The following UROC1 variants were observed in gnomAD, a reference collection of about 807,000 sequenced individuals.
UROC1 encodes urocanate hydratase.
UROC1 carries 79 observed loss-of-function variants against 89.5 expected under a neutral mutation model. The observed-to-expected ratio is 0.88, with a 90% CI of 0.74 to 1.06. The LOEUF (loss-of-function observed/expected upper bound fraction) is 1.06. Among genes scored for constraint, UROC1 ranks in the 50% least tolerant of loss-of-function variants. UROC1 has a pLI of 0.00. For synonymous variants in UROC1, 361 were observed against 354.8 expected, an observed-to-expected ratio of 1.02 and a Z score of -0.20; for missense variants, 885 against 907.8, an observed-to-expected ratio of 0.97 and a Z score of 0.32.
chr3:126,483,579 C>T (rs1935444524), intron 18 of UROC1, 111 bp from the exon 19 acceptor site: 1 of 961,030 alleles, frequency 1.0e-6, no homozygotes. Flanking sequence ...AGGGTTGGGG[C>T]CGCCACACCG....
At chr3:126,511,019 A>C (rs948210026) in intron 1 of UROC1, among the ~76,000 whole-genome samples, 1 of 151,858 alleles carries the variant, frequency 6.6e-6, no homozygotes, top group African/African-American at 2.4e-5. Flanking sequence ...AGGCAGACTG[A>C]TCCCTCTCTC....
At chr3:126,504,971 C>T (rs1351556883) in intron 8 of UROC1, among the ~76,000 whole-genome samples, 2 of 152,118 alleles carry the variant, frequency 1.3e-5, no homozygotes, top group East Asian at 1.9e-4. Flanking sequence ...TTGATGCAGT[C>T]CTTGCAGTAA....
At chr3:126,486,909 T>C (rs1935531869) in intron 18 of UROC1, among the ~76,000 whole-genome samples, 1 of 152,228 alleles carries the variant, frequency 6.6e-6, no homozygotes, top group Admixed American at 6.5e-5. Flanking sequence ...GTAAGTGTGA[T>C]GGGTCCCAGG....
intron 7 of UROC1, 43 bp downstream of exon 7, chr3:126,505,902 C>G (rs750167941): frequency 6.2e-7 from 1 of 1,612,234 alleles, no homozygotes; most frequent in East Asian, 2.2e-5. Flanking sequence ...CCTCCACCCC[C>G]CATGCTGGGA....
At chr3:126,496,861 G>A (rs115301460) in intron 14 of UROC1, among the ~76,000 whole-genome samples, 68 of 152,314 alleles carry the variant, frequency 4.5e-4, no homozygotes, top group Non-Finnish European at 7.2e-4. Context: ...TGGAGATGCC[G>A]CAGGGCATGT....
rs1935405659 is a variant in UROC1 at position 126,482,280 on chromosome 3, C to A, written c.*65G>T. On this transcript the variant is annotated 3_prime_UTR_variant, in exon 20 of 20. Coordinates refer to ENST00000290868, the MANE Select transcript of UROC1 (RefSeq NM_144639.3). ...TGCGGGTGTGCAGGAAGGGTGTGTG[C>A]CATGGCTGGGCAGGTGAGGATCGCC... The A allele has an allele frequency of 6.2e-7, 1 of 1,602,326 alleles. No individual in the cohort carries two copies. The highest frequency in any genetic ancestry group is 8.5e-7 in the Non-Finnish European group (1 of 1,173,442).
chr3:126,494,735 C>T (rs182107905), intron 15 of UROC1, among the ~76,000 whole-genome samples: 36 of 152,288 alleles, frequency 2.4e-4, no homozygotes, highest in Admixed American at 1.7e-3. Context: ...CCCTCTGCCT[C>T]GATTGTCACA....
At chr3:126,508,882 C>G (rs1048795198) in intron 3 of UROC1, among the ~76,000 whole-genome samples, 1 of 152,158 alleles carries the variant, frequency 6.6e-6, no homozygotes, top group Non-Finnish European at 1.5e-5. Context: ...GGCAGCTGCT[C>G]TATAGACTGG....
In UROC1 at chr3:126,482,387, C is replaced by T; in HGVS notation, c.1989G>A (p.Lys663=). Reference sequence around the variant, plus strand: ...GCTGGAGCACCCGCTCGTCCTCCACCTTGTGAGGCAGTGTCACCACCAAGG... The same window carrying T: ...GCTGGAGCACCCGCTCGTCCTCCACTTTGTGAGGCAGTGTCACCACCAAGG... The part of the protein sequence containing the change: ...NSTLVVTLPH[K]VEDERVLQQA... The change falls in exon 20 of 20, where the codon AAG becomes AAA. Residue 663 remains lysine (K), a synonymous_variant. Transcript: ENST00000290868. 6.2e-7 allele frequency: 1 copy of T among 1,613,886 alleles called. No individual in the cohort carries two copies. The highest frequency in any genetic ancestry group is 2.2e-5 in the East Asian group (1 of 44,874).
rs775579924 is a variant in UROC1 at position 126,489,353 on chromosome 3, T to C, written c.1631A>G (p.Asp544Gly). 1.9e-5 allele frequency: 31 copies of C among 1,612,790 alleles called. No individual in the cohort carries two copies. In the South Asian group the frequency reaches 3.3e-4, roughly 17 times the overall value. ...RIKAPVVLSRDHHDVSGTDSP... is the reference protein window; with the variant it reads ...RIKAPVVLSRGHHDVSGTDSP... ...GTCGGTGCCGCTCACGTCATGGTGA[T>C]CTCGGCTCAGGACCACCGGCGCCTG... Residue 544 changes from aspartate (D) to glycine (G), a missense_variant, in exon 17 of 20, where the codon GAT becomes GGT. Physicochemically the swap from Asp to Gly is moderately conservative, Grantham distance 94. Transcript: ENST00000290868.
chr3:126,496,096 A>T lies in UROC1; in HGVS notation c.1451T>A (p.Val484Glu). 1 of 1,613,206 alleles carries T rather than the reference A, an allele frequency of 6.2e-7. No homozygotes were observed. Among genetic ancestry groups the T allele is most frequent in the African/African-American group, 1.3e-5 (1 of 75,052 alleles). Residue 484 changes from valine to glutamate, a missense_variant, in exon 15 of 20, where the codon GTG becomes GAG. Transcript: ENST00000290868. ...GATGTTGTCCATGTACTGCAGCTTC[A>T]CAGACACCTTCACTGCAGGAGAGAG... ...EAIADGVKVS[V>E]KLQYMDNIRW...
In UROC1 at chr3:126,482,084, G is replaced by C; in HGVS notation, c.*261C>G. ...GGCCCCCGGGCAGGCTTGGGACTTG[G>C]CCCTAAATGGACTTTGACAGCCTTC... is the stretch of plus-strand genomic sequence containing the variant. On this transcript the variant is annotated 3_prime_UTR_variant, in exon 20 of 20. Transcript: ENST00000290868. 1 of 551,272 alleles carries C rather than the reference G, an allele frequency of 1.8e-6. No individual in the cohort carries two copies. The highest frequency in any genetic ancestry group is 3.2e-6 in the Non-Finnish European group (1 of 308,790). 34.1% of individuals were successfully genotyped at this position (551,272 alleles called of 1,614,324 possible).
chr3:126,486,735 G>C (rs905906877), intron 18 of UROC1, among the ~76,000 whole-genome samples: 1 of 152,228 alleles, frequency 6.6e-6, no homozygotes, highest in Admixed American at 6.5e-5. Context: ...GCAGAGTTGC[G>C]GGGGGTGGGG....
chr3:126,505,664 G>A (rs1296208245), intron 8 of UROC1, 37 bp downstream of exon 8: 1 of 1,610,496 alleles, frequency 6.2e-7, no homozygotes, highest in African/African-American at 1.3e-5. Flanking sequence ...AGGGAGGGAG[G>A]CAGGCAGGAG....
chr3:126,487,284 C>T (rs1935540814), intron 18 of UROC1, among the ~76,000 whole-genome samples: 1 of 152,244 alleles, frequency 6.6e-6, no homozygotes, highest in African/African-American at 2.4e-5. Flanking sequence ...ACTCTCTTCC[C>T]CTCCGGAAAT....
intron 16 of UROC1, among the ~76,000 whole-genome samples, chr3:126,490,225 C>T (rs1935611098): frequency 6.6e-6 from 1 of 152,220 alleles, no homozygotes; most frequent in Admixed American, 6.5e-5. Flanking sequence ...ATCGGCAGCA[C>T]TCCTTGTTCC....
At position 126,500,739 on chromosome 3, in the gene UROC1, G is replaced by C; in HGVS notation, c.1101C>G (p.Leu367=). ...VQLSFTEAQS[L]MASNPAVFKD... ...TGAACACAGCAGGGTTGGAGGCCAT[G>C]AGGCTCTGGGCCTCCGTGAAGCTGA... is the stretch of plus-strand genomic sequence containing the variant. Residue 367 remains leucine, a synonymous_variant, in exon 11 of 20, where the codon CTC becomes CTG. Coordinates refer to ENST00000290868, the MANE Select transcript of UROC1 (RefSeq NM_144639.3). 1 of 1,614,142 alleles carries C rather than the reference G, an allele frequency of 6.2e-7. No homozygotes were observed. The highest frequency in any genetic ancestry group is 8.5e-7 in the Non-Finnish European group (1 of 1,180,046).
intron 1 of UROC1, among the ~76,000 whole-genome samples, chr3:126,512,366 G>A (rs914458738): frequency 5.9e-5 from 9 of 152,224 alleles, no homozygotes; most frequent in Non-Finnish European, 7.3e-5. Flanking sequence ...GCGGCACTGC[G>A]GCACTTCATC....
intron 18 of UROC1, among the ~76,000 whole-genome samples, chr3:126,485,599 A>T (rs12490964): frequency 0.65 from 89,051 of 137,892 alleles, 29,204 homozygotes; most frequent in South Asian, 0.74. Flanking sequence ...TTATTTATTT[A>T]TTTTTTTTTG....
Sources: gnomAD v4.1 joint callset for allele counts (sites outside exome capture counted in the v4.1 genomes callset) on GRCh38, gnomAD v4.1.1 for gene constraint, MANE v1.5 for transcripts, NCBI Gene and HGNC (gene_info 2026-07-23, HGNC 2026-07-21) for gene names.